Variants in PRELID2 observed in about 807,000 individuals in gnomAD.
PRELID2 encodes PRELI domain containing 2.
Under a neutral mutation model 28.4 loss-of-function variants are expected in PRELID2, and 25 were observed. That is an observed-to-expected ratio of 0.88 (90% CI 0.64 to 1.23). The LOEUF (loss-of-function observed/expected upper bound fraction) is 1.23. Among genes scored for constraint, PRELID2 ranks in the 50% most tolerant of loss-of-function variants. The pLI is 0.00. For missense variants in PRELID2, 201 were observed against 214.4 expected (o/e 0.94, Z 0.39); for synonymous variants, 76 against 71.6 (o/e 1.06, Z -0.31).
chr5:145,483,731 C>G (rs921606871), intron 1 of PRELID2, among the ~76,000 whole-genome samples: 1 of 152,208 alleles, frequency 6.6e-6, no homozygotes, highest in African/African-American at 2.4e-5. Context: ...GAGCCAGGAA[C>G]TAAATCACAA....
At chr5:145,362,742 G>T in the PRELID2 span, among the ~76,000 whole-genome samples, 1 of 152,034 alleles carries the variant, frequency 6.6e-6, no homozygotes, top group Non-Finnish European at 1.5e-5. Flanking sequence ...TTAGGCTTAT[G>T]CCAATGATAT....
At chr5:145,740,865 T>C (rs1756681223) in intron 1 of PRELID2, among the ~76,000 whole-genome samples, 1 of 53,234 alleles carries the variant, frequency 1.9e-5, no homozygotes, top group Non-Finnish European at 3.6e-5. Flanking sequence ...TACATATATT[T>C]ATCGATAAAT....
chr5:145,420,638 A>G, the PRELID2 span, among the ~76,000 whole-genome samples: 14 of 110,092 alleles, frequency 1.3e-4, no homozygotes, highest in East Asian at 2.1e-4. Context: ...TTGGGCTGAG[A>G]CAATGGGGTT....
the PRELID2 span, among the ~76,000 whole-genome samples, chr5:145,335,051 GC>G: frequency 6.6e-6 from 1 of 151,884 alleles, no homozygotes; most frequent in Non-Finnish European, 1.5e-5. Flanking sequence ...TTTTAAGTAA[GC>G]TTTTATCTCC....
At chr5:145,765,927 A>G (rs1330392371) in intron 5 of PRELID2, among the ~76,000 whole-genome samples, 1 of 152,224 alleles carries the variant, frequency 6.6e-6, no homozygotes, top group African/African-American at 2.4e-5. Flanking sequence ...AAAGCCAGGG[A>G]AACAGCACAG....
At chr5:145,344,856 C>A in the PRELID2 span, among the ~76,000 whole-genome samples, 6,337 of 151,984 alleles carry the variant, frequency 0.042, 463 homozygotes, top group African/African-American at 0.14. Flanking sequence ...GCCTGTTTGT[C>A]CTTATTTCAT....
intron 1 of PRELID2, among the ~76,000 whole-genome samples, chr5:145,555,039 C>T (rs1752868441): frequency 6.6e-6 from 1 of 152,126 alleles, no homozygotes; most frequent in African/African-American, 2.4e-5. Flanking sequence ...TCAAATCCAT[C>T]TTTGGATATA....
At chr5:145,522,898 G>T (rs1259122359) in intron 1 of PRELID2, among the ~76,000 whole-genome samples, 1 of 151,028 alleles carries the variant, frequency 6.6e-6, no homozygotes, top group East Asian at 1.9e-4. Context: ...AAAGAAGGAA[G>T]GAAGGAAATT....
chr5:145,424,795 A>G, the PRELID2 span, among the ~76,000 whole-genome samples: 2 of 152,212 alleles, frequency 1.3e-5, no homozygotes, highest in African/African-American at 4.8e-5. Flanking sequence ...AGTTAAATGT[A>G]AAACCCAAAA....
At chr5:145,363,866 C>T in the PRELID2 span, among the ~76,000 whole-genome samples, 1 of 151,982 alleles carries the variant, frequency 6.6e-6, no homozygotes, top group African/African-American at 2.4e-5. Context: ...TTTGGAGTAG[C>T]TGCACATACC....
At chr5:145,680,033 G>C (rs900713460) in intron 1 of PRELID2, among the ~76,000 whole-genome samples, 2 of 151,872 alleles carry the variant, frequency 1.3e-5, no homozygotes, top group East Asian at 1.9e-4. Flanking sequence ...TTAGCAAAAG[G>C]GGACATGGAT....
At chr5:145,532,781 C>T (rs943738427) in intron 1 of PRELID2, among the ~76,000 whole-genome samples, 1 of 152,062 alleles carries the variant, frequency 6.6e-6, no homozygotes. Context: ...CATATTGTTG[C>T]AAATGACAGG....
rs534890251 is a variant in PRELID2 at position 145,621,931 on chromosome 5, A to C, written n.70+143000T>G. 7.2e-5 allele frequency among the ~76,000 whole-genome samples: 11 copies of C among 152,298 alleles called. 1 individual carries two copies. Among genetic ancestry groups the C allele is most frequent in the African/African-American group, 2.6e-4 (11 of 41,584 alleles). ...TCACACATTGCATGCATGTATTAAA[A>C]TATCACTTTGTATTTCATAAATATG... is the stretch of plus-strand genomic sequence containing the variant. On this transcript the variant is annotated intron_variant and non_coding_transcript_variant, in intron 1 of 2. Coordinates refer to the PRELID2 transcript ENST00000510259.
the PRELID2 span, among the ~76,000 whole-genome samples, chr5:145,260,794 A>G: frequency 6.6e-6 from 1 of 152,240 alleles, no homozygotes; most frequent in Non-Finnish European, 1.5e-5. Context: ...GGAACATACC[A>G]GGAATGCCAA....
chr5:145,467,843 TTTAAG>T, downstream of PRELID2, among the ~76,000 whole-genome samples: 1 of 151,946 alleles, frequency 6.6e-6, no homozygotes, highest in East Asian at 1.9e-4. Flanking sequence ...CTTTTTTATT[TTTAAG>T]TTATTTATTT....
chr5:145,457,854 C>T, the PRELID2 span, among the ~76,000 whole-genome samples: 1 of 152,160 alleles, frequency 6.6e-6, no homozygotes, highest in East Asian at 1.9e-4. Context: ...GCAGTAGAAA[C>T]CAGGGGTCTT....
intron 5 of PRELID2, among the ~76,000 whole-genome samples, chr5:145,787,243 C>T (rs1169893458): frequency 6.6e-6 from 1 of 152,152 alleles, no homozygotes; most frequent in Non-Finnish European, 1.5e-5. Context: ...TTCAGACAAA[C>T]TAGGCTAAAA....
chr5:145,361,278 TC>T, the PRELID2 span, among the ~76,000 whole-genome samples: 1 of 152,172 alleles, frequency 6.6e-6, no homozygotes, highest in Non-Finnish European at 1.5e-5. Flanking sequence ...ACACCTTAGC[TC>T]AAAATCACAT....
chr5:145,578,371 G>A (rs780925898), intron 1 of PRELID2, among the ~76,000 whole-genome samples: 23 of 152,124 alleles, frequency 1.5e-4, no homozygotes, highest in Non-Finnish European at 3.4e-4. Flanking sequence ...AGTGGTGGGA[G>A]TGCAAAGAAA....
Sources: gnomAD v4.1 joint callset for allele counts (sites outside exome capture counted in the v4.1 genomes callset) on GRCh38, gnomAD v4.1.1 for gene constraint, MANE v1.5 for transcripts, NCBI Gene and HGNC (gene_info 2026-07-23, HGNC 2026-07-21) for gene names.